The following CPS1 variants were observed in gnomAD, a reference collection of about 807,000 sequenced individuals.
CPS1 encodes the protein carbamoyl-phosphate synthase 1.
CPS1 carries 109 observed loss-of-function variants against 174.6 expected under a neutral mutation model. The observed-to-expected ratio is 0.62, with a 90% CI of 0.53 to 0.73. The LOEUF is 0.73. Among genes scored for constraint, CPS1 ranks in the 30% least tolerant of loss-of-function variants. The pLI, the probability that CPS1 is intolerant of heterozygous loss-of-function variation, is 0.00. For missense variants in CPS1, 1,689 were observed against 1,821.9 expected (o/e 0.93, Z 1.33); for synonymous variants, 637 against 632.0 (o/e 1.01, Z -0.12).
chr2:210,565,894 A>G (rs962269595), intron 1 of CPS1, among the ~76,000 whole-genome samples: 1 of 152,172 alleles, frequency 6.6e-6, no homozygotes, highest in Non-Finnish European at 1.5e-5. Flanking sequence ...AAATGCTGAG[A>G]TGATGTTTGG....
intron 33 of CPS1, among the ~76,000 whole-genome samples, chr2:210,667,758 G>A (rs752301591): frequency 3.4e-4 from 52 of 152,160 alleles, no homozygotes; most frequent in Non-Finnish European, 5.6e-4. Context: ...ATTCATGCAC[G>A]GCTGCATAGT....
intron 20 of CPS1, among the ~76,000 whole-genome samples, chr2:210,615,999 C>G (rs1334205127): frequency 6.6e-6 from 1 of 151,968 alleles, no homozygotes; most frequent in Non-Finnish European, 1.5e-5. Flanking sequence ...CTATCTCCTA[C>G]AAGATAACTA....
chr2:210,664,865 T>C (rs890421420), intron 33 of CPS1, among the ~76,000 whole-genome samples: 9 of 152,206 alleles, frequency 5.9e-5, no homozygotes, highest in Admixed American at 5.9e-4. Flanking sequence ...AATTCTAGCT[T>C]AGTAAAATCT....
rs147062907 is a variant in CPS1, at chr2:210,616,477, A to G, written c.2623A>G (p.Lys875Glu). The change falls in exon 21 of 38, where the codon AAG becomes GAG. Residue 875 changes from lysine (K) to glutamate (E), a missense_variant. Coordinates refer to ENST00000233072, the MANE Select transcript of CPS1 (RefSeq NM_001875.5). ...GATTGAGAAGCTCACATACATTGACAAGTGGTTTTTGTATAAGATGCGTGA... is the reference window on the plus strand; with the variant it reads ...GATTGAGAAGCTCACATACATTGACGAGTGGTTTTTGTATAAGATGCGTGA... ...DEIEKLTYID[K>E]WFLYKMRDIL... is the part of the protein sequence containing the mutation. 1.0e-3 allele frequency: 1,639 copies of G among 1,612,464 alleles called. 27 individuals carry two copies. The South Asian group carries it at 0.016, about 16-fold the overall frequency.
intron 4 of CPS1, among the ~76,000 whole-genome samples, chr2:210,577,824 C>T (rs1037080922): frequency 6.6e-6 from 1 of 152,056 alleles, no homozygotes; most frequent in Non-Finnish European, 1.5e-5. Flanking sequence ...TTTTACTCTC[C>T]TTCACCGTTT....
intron 1 of CPS1, among the ~76,000 whole-genome samples, chr2:210,508,510 G>A (rs1008294662): frequency 2.6e-5 from 4 of 151,896 alleles, no homozygotes; most frequent in African/African-American, 9.7e-5. Context: ...CTAGCAGAAG[G>A]CAAGAAATAA....
At chr2:210,531,240 G>A (rs913836083) in intron 1 of CPS1, among the ~76,000 whole-genome samples, 3 of 151,936 alleles carry the variant, frequency 2.0e-5, no homozygotes, top group East Asian at 1.9e-4. Flanking sequence ...GGGCAAAGAC[G>A]GGGGAAAAAA....
At chr2:210,598,171 G>A (rs1449718882) in intron 13 of CPS1, among the ~76,000 whole-genome samples, 1 of 151,516 alleles carries the variant, frequency 6.6e-6, no homozygotes, top group Non-Finnish European at 1.5e-5. Context: ...CAAATATTGA[G>A]GGAATTCATT....
At chr2:210,613,562 G>C (rs1699201391) in intron 20 of CPS1, among the ~76,000 whole-genome samples, 2 of 151,774 alleles carry the variant, frequency 1.3e-5, no homozygotes, top group South Asian at 4.1e-4. Flanking sequence ...ATTCATATGT[G>C]TGTGTGTGTG....
chr2:210,478,031 A>G (rs1445220342), intron 1 of CPS1, among the ~76,000 whole-genome samples: 1 of 152,138 alleles, frequency 6.6e-6, no homozygotes, highest in African/African-American at 2.4e-5. Flanking sequence ...ATTGTTTCTA[A>G]CTTCCATACT....
intron 1 of CPS1, among the ~76,000 whole-genome samples, chr2:210,478,803 C>T (rs72932405): frequency 0.053 from 8,113 of 152,096 alleles, 356 homozygotes; most frequent in Middle Eastern, 0.14. Flanking sequence ...TGCGTCTAAA[C>T]GGAAGGGAAG....
chr2:210,657,421 C>T (rs923504939), intron 30 of CPS1: 2 of 152,044 alleles, frequency 1.3e-5, no homozygotes, highest in African/African-American at 4.8e-5. Flanking sequence ...CGCCATTCTC[C>T]TGCCTCAGCC....
At chr2:210,621,496 T>C (rs1246278606) in intron 21 of CPS1, among the ~76,000 whole-genome samples, 1 of 152,120 alleles carries the variant, frequency 6.6e-6, no homozygotes, top group Non-Finnish European at 1.5e-5. Context: ...ATTTTTCCCA[T>C]ACTCACTCTC....
chr2:210,543,131 G>A (rs939648017), intron 1 of CPS1, among the ~76,000 whole-genome samples: 1 of 152,174 alleles, frequency 6.6e-6, no homozygotes, highest in Non-Finnish European at 1.5e-5. Context: ...GCCCAATAAA[G>A]AGGATCTAAG....
chr2:210,629,397 G>C (rs933099975), intron 21 of CPS1, among the ~76,000 whole-genome samples: 7 of 151,718 alleles, frequency 4.6e-5, no homozygotes, highest in Non-Finnish European at 8.8e-5. Flanking sequence ...TCACTGCAAG[G>C]TCCGCCTCCC....
chr2:210,622,087 T>C (rs1236886741), intron 21 of CPS1, among the ~76,000 whole-genome samples: 3 of 151,580 alleles, frequency 2.0e-5, no homozygotes, highest in Non-Finnish European at 4.4e-5. Flanking sequence ...TAACCCCTTA[T>C]ATTTGATATA....
At chr2:210,500,041 A>G (rs888207664) in intron 1 of CPS1, among the ~76,000 whole-genome samples, 7 of 152,160 alleles carry the variant, frequency 4.6e-5, no homozygotes, top group African/African-American at 1.7e-4. Flanking sequence ...GCACATCTTC[A>G]CAGGGTGGCA....
intron 1 of CPS1, among the ~76,000 whole-genome samples, chr2:210,493,024 A>T (rs1694909519): frequency 6.6e-6 from 1 of 152,220 alleles, no homozygotes; most frequent in Non-Finnish European, 1.5e-5. Context: ...TATCTGTGAT[A>T]AAGTCACAGG....
At chr2:210,659,458 C>G (rs1700840793) in intron 31 of CPS1, among the ~76,000 whole-genome samples, 2 of 152,234 alleles carry the variant, frequency 1.3e-5, no homozygotes, top group South Asian at 4.1e-4. Context: ...AAGGATGCTA[C>G]CCCAACAGGA....
Sources: allele counts gnomAD v4.1 joint callset (sites outside exome capture counted in the v4.1 genomes callset), GRCh38; gene constraint gnomAD v4.1.1; transcripts MANE v1.5; gene names NCBI Gene and HGNC (gene_info 2026-07-23, HGNC 2026-07-21).